The following GPHN variants were observed in gnomAD, a reference collection of about 807,000 sequenced individuals.
GPHN encodes gephyrin.
In GPHN, 17 loss-of-function variants were observed where a neutral mutation model predicts 95.5. The observed-to-expected ratio is 0.18, with a 90% CI of 0.12 to 0.27. The LOEUF (loss-of-function observed/expected upper bound fraction) is 0.27, where lower values mean the gene tolerates loss of function less well. Ranked by LOEUF, GPHN falls within the 10% of genes least tolerant of loss-of-function variation. The probability of loss-of-function intolerance (pLI) is 1.00; values close to 1 mark genes in which losing one functional copy is unlikely to be tolerated. For synonymous variants in GPHN, 320 were observed against 322.5 expected (o/e 0.99, Z 0.08); for missense variants, 660 against 978.1 (o/e 0.67, Z 4.34).
At chr14:67,122,093 T>G (rs1395148678) in intron 16 of GPHN, among the ~76,000 whole-genome samples, 163 bp from the exon 17 acceptor site, 1 of 152,170 alleles carries the variant, frequency 6.6e-6, no homozygotes, top group African/African-American at 2.4e-5. Context: ...CCTCCTATAC[T>G]TTCAATATTT....
At chr14:67,125,780 A>G (rs1158585721) in intron 17 of GPHN, among the ~76,000 whole-genome samples, 2 of 151,952 alleles carry the variant, frequency 1.3e-5, no homozygotes, top group African/African-American at 4.8e-5. Context: ...CTGTCTCAAA[A>G]AAAAAAAAAA....
rs539223513 is a variant in GPHN, at chr14:66,927,550, G to A, written c.828+3258G>A. Among the ~76,000 whole-genome samples the A allele has an allele frequency of 6.6e-5, 10 of 152,038 alleles. No homozygotes were observed. In the South Asian group the frequency reaches 1.2e-3, roughly 19 times the overall value. Reference sequence around the variant, plus strand: ...GTTTATATCTTTCTGTTGTCTGACTGCTCTAGCTAGCACTTCCAATGCTAT... The same window carrying A: ...GTTTATATCTTTCTGTTGTCTGACTACTCTAGCTAGCACTTCCAATGCTAT... On this transcript the variant is annotated intron_variant, in intron 8 of 22. Transcript: ENST00000478722.
intron 8 of GPHN, among the ~76,000 whole-genome samples, chr14:66,926,525 T>G (rs932498585): frequency 6.6e-6 from 1 of 152,196 alleles, no homozygotes; most frequent in African/African-American, 2.4e-5. Flanking sequence ...CCCCAATGTA[T>G]GTTCTTGACC....
At position 66,611,084 on chromosome 14, in the gene GPHN, C is replaced by G. The variant is rs192458554; in HGVS notation, c.65-70023C>G. Among the ~76,000 whole-genome samples the G allele has an allele frequency of 3.0e-3, 453 of 152,186 alleles. 2 individuals carry two copies. The highest frequency in any genetic ancestry group is 0.014 in the South Asian group (67 of 4,824). ...AAATAATCTTCATCAGTTATAAAGCCCTTCACATAATAAAAGCGGCTTTAA... is the reference window on the plus strand; with the variant it reads ...AAATAATCTTCATCAGTTATAAAGCGCTTCACATAATAAAAGCGGCTTTAA... On this transcript the variant is annotated intron_variant, in intron 1 of 22. Transcript: ENST00000478722.
At chr14:67,734,114 A>C in the GPHN span, 1 of 359,552 alleles carries the variant, frequency 2.8e-6, no homozygotes, top group Non-Finnish European at 5.4e-6. Context: ...AGGACTGGGC[A>C]GATCCCAGGC....
the GPHN span, chr14:67,336,799 G>A: frequency 2.2e-6 from 1 of 455,322 alleles, no homozygotes; most frequent in Non-Finnish European, 4.4e-6. Flanking sequence ...GAACTGAGTT[G>A]TTGGTTTTCC....
chr14:66,763,655 T>C (rs1004833253), intron 2 of GPHN, among the ~76,000 whole-genome samples: 87 of 151,890 alleles, frequency 5.7e-4, no homozygotes, highest in African/African-American at 2.1e-3. Context: ...GGACATTTTA[T>C]ATAATATTCA....
At chr14:66,937,396 T>TG (rs541948141) in intron 8 of GPHN, among the ~76,000 whole-genome samples, 8 of 148,616 alleles carry the variant, frequency 5.4e-5, no homozygotes, top group Non-Finnish European at 9.1e-5. Flanking sequence ...TTTTTTTTTT[T>TG]TTTGAGACTG....
intron 11 of GPHN, among the ~76,000 whole-genome samples, chr14:67,065,762 T>TA (rs1288587220): frequency 2.6e-5 from 4 of 151,464 alleles, no homozygotes; most frequent in African/African-American, 9.7e-5. Flanking sequence ...CCCTGCTTTT[T>TA]TTTTTTTTTT....
chr14:67,732,333 G>T, the GPHN span, among the ~76,000 whole-genome samples: 1 of 151,174 alleles, frequency 6.6e-6, no homozygotes, highest in African/African-American at 2.4e-5. Flanking sequence ...AGCTACTCGG[G>T]AGGCTAAGGT....
chr14:67,663,151 G>A, the GPHN span: 4 of 1,532,404 alleles, frequency 2.6e-6, no homozygotes, highest in East Asian at 7.3e-5. Context: ...TGTCCCTTTG[G>A]TTGAGTGTAT....
chr14:67,442,158 G>A, the GPHN span, among the ~76,000 whole-genome samples: 1 of 152,028 alleles, frequency 6.6e-6, no homozygotes, highest in Admixed American at 6.5e-5. Flanking sequence ...TATTTTTATG[G>A]AAGAATGGGC....
At chr14:67,204,882 A>G in the GPHN span, 2 of 1,614,044 alleles carry the variant, frequency 1.2e-6, no homozygotes, top group African/African-American at 2.7e-5. Context: ...TAGATTTCCC[A>G]GAATTCACAG....
At chr14:67,727,357 G>A in the GPHN span, 2 of 670,970 alleles carry the variant, frequency 3.0e-6, no homozygotes, top group Non-Finnish European at 5.3e-6. Flanking sequence ...TGCCCCCAGG[G>A]AGCTTAAAAT....
the GPHN span, among the ~76,000 whole-genome samples, chr14:67,262,565 T>C: frequency 0.03 from 4,636 of 152,276 alleles, 86 homozygotes; most frequent in Non-Finnish European, 0.036. Flanking sequence ...TATCCTGCCA[T>C]GTGTAAAGGA....
At chr14:67,592,370 G>A in the GPHN span, 2 of 468,374 alleles carry the variant, frequency 4.3e-6, no homozygotes, top group Admixed American at 3.4e-5. Context: ...AGCCTGGGAG[G>A]TGGAGGCTGC....
intron 2 of GPHN, among the ~76,000 whole-genome samples, chr14:66,756,362 G>A (rs1245375609): frequency 6.6e-6 from 1 of 151,822 alleles, no homozygotes; most frequent in Admixed American, 6.6e-5. Flanking sequence ...TGATATTGCT[G>A]TCATTCCTCC....
intron 2 of GPHN, among the ~76,000 whole-genome samples, chr14:66,747,935 T>C (rs780179819): frequency 4.6e-5 from 7 of 152,062 alleles, no homozygotes; most frequent in Non-Finnish European, 8.8e-5. Flanking sequence ...TAAAAAGAGA[T>C]CTACATATCT....
At chr14:67,561,018 A>C in the GPHN span, among the ~76,000 whole-genome samples, 1 of 152,166 alleles carries the variant, frequency 6.6e-6, no homozygotes, top group Non-Finnish European at 1.5e-5. Flanking sequence ...GGTGTGAGCC[A>C]CCACACCCGG....
Sources: allele counts gnomAD v4.1 joint callset (sites outside exome capture counted in the v4.1 genomes callset), GRCh38; gene constraint gnomAD v4.1.1; transcripts MANE v1.5; gene names NCBI Gene and HGNC (gene_info 2026-07-23, HGNC 2026-07-21).